The following USP40 variants were observed in gnomAD, a reference collection of about 807,000 sequenced individuals.
USP40 encodes the protein ubiquitin specific peptidase 40.
Under a neutral mutation model 166.2 loss-of-function variants are expected in USP40, and 143 were observed. That is an observed-to-expected ratio of 0.86 (90% CI 0.75 to 0.99). USP40 has a LOEUF of 0.99. USP40 is among the 50% of genes least tolerant of loss of function. The pLI is 0.00. For missense variants in USP40, 1,444 were observed against 1,479.7 expected (o/e 0.98, Z 0.40); for synonymous variants, 498 against 524.0 (o/e 0.95, Z 0.68).
At chr2:233,501,266 T>C (rs952538125) in intron 21 of USP40, among the ~76,000 whole-genome samples, 2 of 152,192 alleles carry the variant, frequency 1.3e-5, no homozygotes, top group African/African-American at 4.8e-5. Flanking sequence ...AAGGCCAGTG[T>C]GGCTGAAGCA....
chr2:233,555,912 A>T (rs569010032), intron 5 of USP40, among the ~76,000 whole-genome samples: 3 of 152,154 alleles, frequency 2.0e-5, no homozygotes, highest in African/African-American at 4.8e-5. Flanking sequence ...CAGGAGATCG[A>T]GACCATCCTG....
At chr2:233,551,173 T>C (rs906517681) in intron 7 of USP40, among the ~76,000 whole-genome samples, 1 of 152,216 alleles carries the variant, frequency 6.6e-6, no homozygotes, top group Admixed American at 6.5e-5. Context: ...GCTGCTACTG[T>C]CATCCAGTAG....
chr2:233,480,189 C>T lies in USP40; in HGVS notation c.3599+1014G>A, dbSNP rs2064478623. Among the ~76,000 whole-genome samples the T allele has an allele frequency of 6.6e-6, 1 of 152,182 alleles. No homozygotes were observed. Among genetic ancestry groups the T allele is most frequent in the South Asian group, 2.1e-4 (1 of 4,830 alleles). Reference sequence around the variant, plus strand: ...CCCCCAGTGGCAGAGGGCATGCAGTCCCTGGCACACGGGCAGCCAAGATAC... The same window carrying T: ...CCCCCAGTGGCAGAGGGCATGCAGTTCCTGGCACACGGGCAGCCAAGATAC... On this transcript the variant is annotated intron_variant, in intron 31 of 31. Transcript: ENST00000678225. This position sits in a 1 kb window ranked among gnomAD's most constrained non-coding sequence, Gnocchi z 4.5.
At chr2:233,528,160 G>A (rs1328657155) in intron 12 of USP40, among the ~76,000 whole-genome samples, 1 of 151,942 alleles carries the variant, frequency 6.6e-6, no homozygotes, top group Non-Finnish European at 1.5e-5. Flanking sequence ...TGTATTTTTG[G>A]TAGAGATGGG....
At chr2:233,481,336 A>G (rs1319107209) in intron 30 of USP40, 39 bp from the exon 31 acceptor site, 2 of 1,537,284 alleles carry the variant, frequency 1.3e-6, no homozygotes, top group Non-Finnish European at 1.8e-6. Flanking sequence ...GTTTTCTGAC[A>G]TCTTTTTAGC....
intron 18 of USP40, among the ~76,000 whole-genome samples, chr2:233,517,743 C>A (rs1269833521): frequency 6.6e-6 from 1 of 151,640 alleles, no homozygotes; most frequent in East Asian, 1.9e-4. Context: ...GGAACCAACC[C>A]AAATGCCCAT....
chr2:233,562,159 A>AT (rs2071690978), intron 3 of USP40, among the ~76,000 whole-genome samples: 1 of 148,556 alleles, frequency 6.7e-6, no homozygotes, highest in South Asian at 2.2e-4. Context: ...CAGTGTGGCG[A>AT]TTCCTCAGGG....
chr2:233,533,657 C>A lies in USP40; in HGVS notation c.1293G>T (p.Lys431Asn), dbSNP rs910568678. ...DFQRNDQQIF[K>N]MLPPESPGLN... ...AACCTGGGGATTCTGGAGGAAGCAT[C>A]TTGAAAATTTGCTGGTCATTCCTTT... Residue 431 changes from lysine (K) to asparagine (N), a missense_variant, in exon 11 of 32, where the codon AAG becomes AAT. Lys to Asn is a moderately conservative substitution (Grantham distance 94). Transcript: ENST00000678225. 1.2e-6 allele frequency: 2 copies of A among 1,613,776 alleles called. No individual in the cohort carries two copies. Among genetic ancestry groups the A allele is most frequent in the Non-Finnish European group, 1.7e-6 (2 of 1,179,814 alleles).
Position 233,488,294 on chromosome 2 carries a change from G to A in USP40, c.3142C>T (p.Leu1048=). ...AAGCAGATCTCAATTCTCCGTCCTAGTTTATATTCCCTGATAATAAGTGAA... is the reference window on the plus strand; with the variant it reads ...AAGCAGATCTCAATTCTCCGTCCTAATTTATATTCCCTGATAATAAGTGAA... ...TDRQPLREYK[L]GRRIEICLEP... Residue 1048 remains leucine, a synonymous_variant, in exon 28 of 32, where the codon CTA becomes TTA. Coordinates refer to ENST00000678225, the MANE Select transcript of USP40 (RefSeq NM_001365479.2). The A allele has an allele frequency of 3.8e-6, 6 of 1,599,182 alleles. No individual in the cohort carries two copies. The highest frequency in any genetic ancestry group is 1.1e-5 in the South Asian group (1 of 87,952).
Position 233,561,318 on chromosome 2 carries a change from T to C in USP40, c.268-1394A>G, listed in dbSNP as rs948798677. On this transcript the variant is annotated intron_variant, in intron 3 of 31. Coordinates refer to ENST00000678225, the MANE Select transcript of USP40 (RefSeq NM_001365479.2). ...CATCACACTACCTGACTTCAAACTA[T>C]ACTACAAGGGTACAGTAACCAAAAC... 33 of 1,010,808 alleles carry C rather than the reference T, an allele frequency of 3.3e-5. 2 individuals are homozygous for C. The South Asian group carries it at 3.9e-4, about 12-fold the overall frequency. 62.6% of individuals were successfully genotyped at this position (1,010,808 alleles called of 1,614,324 possible).
At chr2:233,526,906 T>C (rs1175578403) in intron 13 of USP40, among the ~76,000 whole-genome samples, 1 of 152,180 alleles carries the variant, frequency 6.6e-6, no homozygotes, top group Non-Finnish European at 1.5e-5. Context: ...GTTGCTATCA[T>C]CATTAAAACA....
At chr2:233,530,095 T>C (rs1466796545) in intron 11 of USP40, among the ~76,000 whole-genome samples, 1 of 152,094 alleles carries the variant, frequency 6.6e-6, no homozygotes, top group Admixed American at 6.6e-5. Context: ...CCACCACGCC[T>C]GGCCTCAGAT....
At chr2:233,545,854 G>A (rs931911440) in intron 8 of USP40, 2 of 165,534 alleles carry the variant, frequency 1.2e-5, no homozygotes, top group Non-Finnish European at 2.6e-5. Context: ...CAGGGGATCT[G>A]TCAGGATAAT....
intron 18 of USP40, among the ~76,000 whole-genome samples, chr2:233,513,108 C>T (rs7583771): frequency 1.3e-5 from 2 of 152,114 alleles, no homozygotes; most frequent in African/African-American, 2.4e-5. Flanking sequence ...TATAAAGAGT[C>T]GTTTAAGCAG....
chr2:233,554,734 T>C lies in USP40; in HGVS notation c.547-208A>G, dbSNP rs575268337. ...GAACTATAATTTAGCTTAAAATCTA[T>C]CAGAAAAATATAAGAAAAGTTTATG... is the stretch of plus-strand genomic sequence containing the variant. On this transcript the variant is annotated intron_variant, in intron 5 of 31. Transcript: ENST00000678225. Among the ~76,000 whole-genome samples, 18 of 152,184 alleles carry C rather than the reference T, an allele frequency of 1.2e-4. 1 individual carries two copies. The South Asian group carries it at 3.1e-3, about 26-fold the overall frequency.
rs374377490 is a variant in USP40 at position 233,477,377 on chromosome 2, C to G, written c.*15G>C. ...CCGGAGAGTTCATCGGGAGTAGAGC[C>G]GTGCAGCGGCGCGGTTATCTGAAGC... On this transcript the variant is annotated 3_prime_UTR_variant, in exon 32 of 32. Transcript: ENST00000678225. The G allele has an allele frequency of 2.8e-5, 45 of 1,611,330 alleles. No individual in the cohort carries two copies. In the South Asian group the frequency reaches 4.8e-4, roughly 17 times the overall value.
chr2:233,566,275 C>T lies in USP40; in HGVS notation c.-20+409G>A, dbSNP rs567993279. Among the ~76,000 whole-genome samples, 5 of 152,242 alleles carry T rather than the reference C, an allele frequency of 3.3e-5. No homozygotes were observed. In the South Asian group the frequency reaches 1.0e-3, roughly 32 times the overall value. ...TAGCCCTGGGGGCCTAGGTGACTTC[C>T]CCAAGGTTTCACATCGAGTGTGGCG... On this transcript the variant is annotated intron_variant, in intron 1 of 31. Transcript: ENST00000678225.
At chr2:233,550,751 A>G (rs1575335153) in intron 7 of USP40, among the ~76,000 whole-genome samples, 1 of 152,296 alleles carries the variant, frequency 6.6e-6, no homozygotes, top group East Asian at 1.9e-4. Context: ...CTTACAAAGT[A>G]GGTTGATTTT....
chr2:233,561,199 C>A (rs775997182), intron 3 of USP40: 4 of 1,573,958 alleles, frequency 2.5e-6, no homozygotes, highest in Admixed American at 3.7e-5. Context: ...ACAAACCAAG[C>A]TCTTCTGGGC....
Sources: gnomAD v4.1 joint callset for allele counts (sites outside exome capture counted in the v4.1 genomes callset) on GRCh38, gnomAD v4.1.1 for gene constraint, Gnocchi (gnomAD v3.1) non-coding constraint, MANE v1.5 for transcripts, NCBI Gene and HGNC (gene_info 2026-07-23, HGNC 2026-07-21) for gene names.